Variants in CDKL2 observed in about 807,000 individuals in gnomAD.
CDKL2 encodes cyclin-dependent kinase-like 2.
In CDKL2, 64 loss-of-function variants were observed where a neutral mutation model predicts 63.9. The observed-to-expected ratio is 1.00, with a 90% CI of 0.82 to 1.23. The LOEUF is 1.23. Ranked by LOEUF, CDKL2 falls within the 50% of genes most tolerant of loss-of-function variation. The pLI, the probability that CDKL2 is intolerant of heterozygous loss-of-function variation, is 0.00. For missense variants in CDKL2, 656 were observed against 668.0 expected (o/e 0.98, Z 0.20); for synonymous variants, 211 against 229.2 (o/e 0.92, Z 0.72).
At chr4:75,618,014 T>A (rs1020704905) in intron 2 of CDKL2, among the ~76,000 whole-genome samples, 1 of 147,888 alleles carries the variant, frequency 6.8e-6, no homozygotes, top group Non-Finnish European at 1.5e-5. Context: ...GGCATGAGAA[T>A]CGCTTGAACC....
Position 75,577,751 on chromosome 4 carries a change from G to A in CDKL2, c.*1451C>T, listed in dbSNP as rs114049918. Among the ~76,000 whole-genome samples, 1,622 of 152,246 alleles carry A rather than the reference G, an allele frequency of 0.011. 20 individuals are homozygous for A. The highest frequency in any genetic ancestry group is 0.037 in the African/African-American group (1,523 of 41,544). On this transcript the variant is annotated 3_prime_UTR_variant, in exon 14 of 14. Transcript: ENST00000307465. The stretch of plus-strand genomic sequence containing the variant: ...TAATGTTGTCAAACAGCTGGTCACA[G>A]ATTAAAAGTAGAGCTTTTAAATCAA...
chr4:75,584,275 GA>G (rs1728378179), intron 12 of CDKL2, among the ~76,000 whole-genome samples: 1 of 152,178 alleles, frequency 6.6e-6, no homozygotes, highest in Non-Finnish European at 1.5e-5. Flanking sequence ...TGCTGGTTTT[GA>G]AGGCAGAGGA....
intron 2 of CDKL2, among the ~76,000 whole-genome samples, chr4:75,624,674 C>T (rs1730317424): frequency 6.6e-6 from 1 of 150,894 alleles, no homozygotes; most frequent in Admixed American, 6.6e-5. Context: ...CATGGTGCAA[C>T]TCCGTCTCTA....
At chr4:75,623,453 C>T (rs186211802) in intron 2 of CDKL2, among the ~76,000 whole-genome samples, 9 of 152,208 alleles carry the variant, frequency 5.9e-5, no homozygotes, top group Admixed American at 2.0e-4. Flanking sequence ...TCTGGGACAA[C>T]TGGATAGCCA....
At position 75,605,223 on chromosome 4, in the gene CDKL2, C is replaced by T. The variant is rs557727625; in HGVS notation, c.655+299G>A. ...ACGAAATTAGCTGGGCATGGTGGCA[C>T]ATGCCTGTAATCCCAGCTACTCGGG... On this transcript the variant is annotated intron_variant, in intron 5 of 13. Transcript: ENST00000307465. Among the ~76,000 whole-genome samples, 47 of 152,080 alleles carry T rather than the reference C, an allele frequency of 3.1e-4. No individual in the cohort carries two copies. In the East Asian group the frequency reaches 4.7e-3, roughly 15 times the overall value.
At chr4:75,615,591 G>A (rs1188993007) in intron 2 of CDKL2, among the ~76,000 whole-genome samples, 1 of 152,164 alleles carries the variant, frequency 6.6e-6, no homozygotes, top group Non-Finnish European at 1.5e-5. Flanking sequence ...ATCCATTTAA[G>A]GCAGGACTAA....
intron 4 of CDKL2, among the ~76,000 whole-genome samples, chr4:75,606,459 C>T (rs1265345279): frequency 3.3e-5 from 5 of 152,116 alleles, no homozygotes; most frequent in East Asian, 1.9e-4. Flanking sequence ...ATGATCCTCC[C>T]GCCTGGGCCT....
chr4:75,595,830 G>T (rs1057158923), intron 10 of CDKL2, among the ~76,000 whole-genome samples: 2 of 151,922 alleles, frequency 1.3e-5, no homozygotes, highest in African/African-American at 4.8e-5. Context: ...TCAGGAGGCT[G>T]AGGCAGGAGA....
At chr4:75,605,427 CTTTAATG>C in intron 5 of CDKL2, 88 bp downstream of exon 5, 1 of 710,604 alleles carries the variant, frequency 1.4e-6, no homozygotes, top group Non-Finnish European at 2.4e-6. Flanking sequence ...CATATATAAT[CTTTAATG>C]CAACAGCTTA....
rs551584451 is a variant in CDKL2, at chr4:75,587,916, A to G, written c.1647+3903T>C. 2.7e-5 allele frequency among the ~76,000 whole-genome samples: 4 copies of G among 149,346 alleles called. No homozygotes were observed. In the South Asian group the frequency reaches 8.5e-4, roughly 32 times the overall value. ...AAGATTCTGTCTCAAAAAAAAAAAA[A>G]AAAGAAACTGAAATCAGGCTGGGCG... On this transcript the variant is annotated intron_variant, in intron 12 of 13. Transcript: ENST00000307465.
At chr4:75,613,118 C>A (rs943359089) in intron 3 of CDKL2, among the ~76,000 whole-genome samples, 1 of 36,696 alleles carries the variant, frequency 2.7e-5, no homozygotes, top group Non-Finnish European at 6.3e-5. Context: ...GAGGGAGACT[C>A]CGTTTCAAAA....
chr4:75,587,459 C>CAAAAAAAA (rs1262271643), intron 12 of CDKL2, among the ~76,000 whole-genome samples: 26 of 151,734 alleles, frequency 1.7e-4, no homozygotes, highest in Admixed American at 1.4e-3. Flanking sequence ...GTCTCAAAAG[C>CAAAAAAAA]AAAAACAAAA....
In CDKL2 at chr4:75,584,181, G is replaced by C. The variant is rs557224129; in HGVS notation, c.1648-2283C>G. Among the ~76,000 whole-genome samples, 309 of 152,302 alleles carry C rather than the reference G, an allele frequency of 2.0e-3. 1 individual carries two copies. The highest frequency in any genetic ancestry group is 7.1e-3 in the African/African-American group (293 of 41,558). On this transcript the variant is annotated intron_variant, in intron 12 of 13. Coordinates refer to ENST00000307465, the MANE Select transcript of CDKL2 (RefSeq NM_001330724.2). ...CTTCGTGGGCCGAGTGTAATCATGT[G>C]AGCTCTTAGCATCAGAGTAAGTCAG...
chr4:75,628,240 C>G (rs759934119), intron 1 of CDKL2, among the ~76,000 whole-genome samples: 13 of 151,692 alleles, frequency 8.6e-5, no homozygotes, highest in Admixed American at 1.3e-4. Context: ...CTCAACCTCT[C>G]GAGTAGCTGG....
chr4:75,607,753 C>G (rs754208277), intron 3 of CDKL2, among the ~76,000 whole-genome samples: 1 of 151,838 alleles, frequency 6.6e-6, no homozygotes, highest in Non-Finnish European at 1.5e-5. Context: ...GAAGGGCAGC[C>G]CAAGTGAATG....
At chr4:75,617,417 G>T (rs1470408151) in intron 2 of CDKL2, among the ~76,000 whole-genome samples, 1 of 152,102 alleles carries the variant, frequency 6.6e-6, no homozygotes. Context: ...CTTTATAGCT[G>T]AAGCAACTAA....
At chr4:75,600,400 T>C (rs1371673705) in intron 6 of CDKL2, 31 bp from the exon 7 acceptor site, 1 of 1,380,510 alleles carries the variant, frequency 7.2e-7, no homozygotes. Context: ...AGAGTTCATA[T>C]CAAGAAAAAC....
chr4:75,604,019 A>C, intron 5 of CDKL2, 63 bp from the exon 6 acceptor site: 1 of 1,484,898 alleles, frequency 6.7e-7, no homozygotes, highest in Non-Finnish European at 9.2e-7. Context: ...GTGAAGAGAC[A>C]GGTGGTGTGA....
intron 12 of CDKL2, among the ~76,000 whole-genome samples, chr4:75,585,256 T>G (rs1728424527): frequency 6.6e-6 from 1 of 152,122 alleles, no homozygotes; most frequent in Admixed American, 6.6e-5. Context: ...GACAATTATG[T>G]GCAAATACCT....
Sources: allele counts gnomAD v4.1 joint callset (sites outside exome capture counted in the v4.1 genomes callset), GRCh38; gene constraint gnomAD v4.1.1; transcripts MANE v1.5; gene names NCBI Gene and HGNC (gene_info 2026-07-23, HGNC 2026-07-21).